Variants in C1orf21 observed in about 807,000 individuals in gnomAD.
C1orf21 encodes chromosome 1 open reading frame 21.
Under a neutral mutation model 18.7 loss-of-function variants are expected in C1orf21, and 3 were observed. The ratio of observed to expected loss-of-function variants is 0.16; its 90% CI spans 0.07 to 0.42. C1orf21 has a LOEUF of 0.42. Among genes scored for constraint, C1orf21 ranks in the 10% least tolerant of loss-of-function variants. The probability of loss-of-function intolerance (pLI) is 0.99; values close to 1 mark genes in which losing one functional copy is unlikely to be tolerated. For missense variants in C1orf21, 104 were observed against 143.6 expected, an observed-to-expected ratio of 0.72 and a Z score of 1.41; for synonymous variants, 41 against 46.4, an observed-to-expected ratio of 0.88 and a Z score of 0.47.
chr1:184,536,226 T>C (rs1035448993), intron 3 of C1orf21, among the ~76,000 whole-genome samples: 1 of 152,190 alleles, frequency 6.6e-6, no homozygotes, highest in Non-Finnish European at 1.5e-5. Context: ...CAAACTTCAT[T>C]ACAAACATTT....
rs116417825 is a variant in C1orf21, at chr1:184,547,977, C to T, written c.189+40295C>T. On this transcript the variant is annotated intron_variant, in intron 3 of 5. Transcript: ENST00000235307. ...GGCACTGGCTGCTGTCCCATCAGTA[C>T]CCACTTGACCATCTCCTGCTCCTCC... Among the ~76,000 whole-genome samples the T allele has an allele frequency of 5.4e-3, 817 of 152,218 alleles. 7 individuals are homozygous for T. The highest frequency in any genetic ancestry group is 0.016 in the African/African-American group (671 of 41,532).
intron 1 of C1orf21, among the ~76,000 whole-genome samples, chr1:184,422,365 G>T (rs1004546962): frequency 4.6e-5 from 7 of 152,162 alleles, no homozygotes; most frequent in African/African-American, 1.7e-4. Context: ...CAAAATTTGT[G>T]TAACACTGTA....
chr1:184,423,199 C>T (rs1433930963), intron 1 of C1orf21, among the ~76,000 whole-genome samples: 1 of 152,200 alleles, frequency 6.6e-6, no homozygotes, highest in Non-Finnish European at 1.5e-5. Flanking sequence ...GTCAGGTACT[C>T]TGCTACTTGT....
chr1:184,540,923 ATT>A (rs1658640200), intron 3 of C1orf21, among the ~76,000 whole-genome samples: 1 of 152,214 alleles, frequency 6.6e-6, no homozygotes, highest in South Asian at 2.1e-4. Flanking sequence ...GAATTATTTC[ATT>A]TATTTGAAAG....
chr1:184,500,648 C>G (rs911466611), intron 2 of C1orf21, among the ~76,000 whole-genome samples: 3 of 152,186 alleles, frequency 2.0e-5, no homozygotes, highest in Non-Finnish European at 2.9e-5. Flanking sequence ...AAGCCAGGTG[C>G]AGAAGAGAAA....
At chr1:184,609,112 C>G (rs2102007365) in intron 5 of C1orf21, among the ~76,000 whole-genome samples, 1 of 152,312 alleles carries the variant, frequency 6.6e-6, no homozygotes, top group Non-Finnish European at 1.5e-5. Context: ...AAGGAACCAA[C>G]TTAAAGTATG....
chr1:184,484,679 T>G (rs1657706671), intron 2 of C1orf21, among the ~76,000 whole-genome samples: 1 of 152,234 alleles, frequency 6.6e-6, no homozygotes, highest in South Asian at 2.1e-4. Context: ...GGCTTAAGCC[T>G]GATGTTTATA....
chr1:184,600,792 C>T (rs1211223877), intron 5 of C1orf21, among the ~76,000 whole-genome samples: 1 of 152,200 alleles, frequency 6.6e-6, no homozygotes, highest in African/African-American at 2.4e-5. Flanking sequence ...GCAATTTTCT[C>T]TCCTCTCTGA....
At chr1:184,479,613 C>CTTTTTTTTTT (rs55840285) in intron 2 of C1orf21, among the ~76,000 whole-genome samples, 1 of 62,214 alleles carries the variant, frequency 1.6e-5, no homozygotes, top group East Asian at 5.8e-4. Context: ...TCCCATAGGT[C>CTTTTTTTTTT]TTTTTTTTTT....
chr1:184,618,356 C>T (rs1659863733), intron 5 of C1orf21, among the ~76,000 whole-genome samples: 1 of 152,160 alleles, frequency 6.6e-6, no homozygotes, highest in African/African-American at 2.4e-5. Context: ...CTATTGTTCT[C>T]TTCATTTTAC....
intron 1 of C1orf21, among the ~76,000 whole-genome samples, chr1:184,433,193 A>G (rs1656794804): frequency 6.6e-6 from 1 of 152,154 alleles, no homozygotes; most frequent in African/African-American, 2.4e-5. Flanking sequence ...GTGTGTGTGC[A>G]GAGTGGTAGA....
chr1:184,449,927 A>G (rs1219590075), intron 1 of C1orf21, among the ~76,000 whole-genome samples: 3 of 152,156 alleles, frequency 2.0e-5, no homozygotes, highest in Non-Finnish European at 4.4e-5. Context: ...TGAAATTAGG[A>G]AAGGAAGGCT....
chr1:184,470,699 C>T (rs771486968), intron 1 of C1orf21, among the ~76,000 whole-genome samples: 2 of 151,958 alleles, frequency 1.3e-5, no homozygotes, highest in Non-Finnish European at 2.9e-5. Context: ...GCCAACGTGG[C>T]GAAATCCCAT....
chr1:184,613,477 A>G (rs1310287139), intron 5 of C1orf21, among the ~76,000 whole-genome samples: 1 of 152,224 alleles, frequency 6.6e-6, no homozygotes. Flanking sequence ...CTATTCATGT[A>G]ACAGGGCCTA....
At chr1:184,417,532 G>A (rs752804107) in intron 1 of C1orf21, among the ~76,000 whole-genome samples, 1 of 152,200 alleles carries the variant, frequency 6.6e-6, no homozygotes, top group Non-Finnish European at 1.5e-5. Context: ...CACAGTTTAA[G>A]CAGGGATTTA....
intron 3 of C1orf21, among the ~76,000 whole-genome samples, chr1:184,559,278 A>G (rs1051712343): frequency 1.3e-5 from 2 of 150,336 alleles, no homozygotes; most frequent in Non-Finnish European, 3.0e-5. Context: ...TCCCACCCCC[A>G]CTCTCTCTCC....
chr1:184,509,340 T>C (rs1658111460), intron 3 of C1orf21, among the ~76,000 whole-genome samples: 1 of 152,188 alleles, frequency 6.6e-6, no homozygotes, highest in Non-Finnish European at 1.5e-5. Flanking sequence ...TGAATAGGAA[T>C]TTGAAAAGAG....
intron 5 of C1orf21, among the ~76,000 whole-genome samples, chr1:184,612,288 G>A (rs1316170212): frequency 1.3e-5 from 2 of 152,180 alleles, no homozygotes; most frequent in African/African-American, 4.8e-5. Context: ...ATGAACTTCT[G>A]TCATGAGCCT....
At chr1:184,522,323 T>C (rs1230416433) in intron 3 of C1orf21, among the ~76,000 whole-genome samples, 1 of 152,214 alleles carries the variant, frequency 6.6e-6, no homozygotes, top group East Asian at 1.9e-4. Flanking sequence ...TATACACTTA[T>C]TTTATTGCTC....
Sources: gnomAD v4.1 joint callset for allele counts (sites outside exome capture counted in the v4.1 genomes callset) on GRCh38, gnomAD v4.1.1 for gene constraint, MANE v1.5 for transcripts, NCBI Gene and HGNC (gene_info 2026-07-23, HGNC 2026-07-21) for gene names.